GREM2: variants seen among roughly 807,000 people sequenced by gnomAD.
GREM2 encodes the protein gremlin 2, DAN family BMP antagonist.
GREM2 carries 11 observed loss-of-function variants against 14.2 expected under a neutral mutation model. The ratio of observed to expected loss-of-function variants is 0.78; its 90% CI spans 0.49 to 1.28. GREM2 has a LOEUF of 1.28. GREM2 is among the 50% of genes most tolerant of loss of function. The pLI is 0.00. For missense variants in GREM2, 210 were observed against 218.5 expected (o/e 0.96, Z 0.24); for synonymous variants, 98 against 97.6 (o/e 1.00, Z -0.02).
intron 1 of GREM2, among the ~76,000 whole-genome samples, chr1:240,602,676 C>T (rs956969444): frequency 1.4e-4 from 21 of 150,598 alleles, no homozygotes; most frequent in African/African-American, 4.9e-4. Context: ...ATTAGCCGGG[C>T]ATGGTGACAG....
Position 240,494,160 on chromosome 1 carries a change from A to AGTACATCTCATTTACAT in GREM2, c.-1-701_-1-685dup, listed in dbSNP as rs1677347200. 2.6e-5 allele frequency among the ~76,000 whole-genome samples: 4 copies of AGTACATCTCATTTACAT among 152,272 alleles called. No individual in the cohort carries two copies. The South Asian group carries it at 8.3e-4, about 32-fold the overall frequency. On this transcript the variant is annotated intron_variant, in intron 1 of 1. Coordinates refer to ENST00000318160, the MANE Select transcript of GREM2 (RefSeq NM_022469.4). ...ACTTTGTGCCAAGTGCTGTCCTAAGAGTACATCTCATTTACATGTATATCT... is the reference window on the plus strand; with the variant it reads ...ACTTTGTGCCAAGTGCTGTCCTAAGAGTACATCTCATTTACATGTACATCTCATTTACATGTATATCT...
intron 1 of GREM2, among the ~76,000 whole-genome samples, chr1:240,507,210 G>C (rs1677693254): frequency 6.6e-6 from 1 of 152,146 alleles, no homozygotes; most frequent in African/African-American, 2.4e-5. Flanking sequence ...GAAGAAAAGT[G>C]GGCTGAGAGT....
At chr1:240,588,779 G>A (rs377723313) in intron 1 of GREM2, 3 of 152,184 alleles carry the variant, frequency 2.0e-5, no homozygotes, top group Admixed American at 1.3e-4. Context: ...TTAAAATACA[G>A]TCTTTGAAGC....
chr1:240,547,940 A>G (rs927441696), intron 1 of GREM2, among the ~76,000 whole-genome samples: 3 of 151,990 alleles, frequency 2.0e-5, no homozygotes, highest in African/African-American at 7.2e-5. Context: ...AAGAAAGAGA[A>G]AGGAAGGTAG....
chr1:240,548,338 C>T (rs1358024766), intron 1 of GREM2, among the ~76,000 whole-genome samples: 1 of 151,930 alleles, frequency 6.6e-6, no homozygotes, highest in Non-Finnish European at 1.5e-5. Context: ...ATCTTGGCTG[C>T]TCAATCTTAC....
intron 1 of GREM2, among the ~76,000 whole-genome samples, chr1:240,513,467 C>G (rs534690591): frequency 1.1e-4 from 17 of 151,142 alleles, no homozygotes; most frequent in Non-Finnish European, 7.4e-5. Context: ...CCCAGCTACT[C>G]GGGAGGCTGA....
At chr1:240,599,414 G>A (rs114497009) in intron 1 of GREM2, among the ~76,000 whole-genome samples, 2,217 of 152,252 alleles carry the variant, frequency 0.015, 23 homozygotes, top group Non-Finnish European at 0.024. Flanking sequence ...GAAGTGTTGT[G>A]CCAATATGAT....
chr1:240,552,472 A>G (rs10802888), intron 1 of GREM2, among the ~76,000 whole-genome samples: 45,541 of 152,028 alleles, frequency 0.3, 7,010 homozygotes, highest in East Asian at 0.5. Context: ...GGTATATGCT[A>G]CAGTCCTAGC....
At chr1:240,517,055 G>A (rs1391690425) in intron 1 of GREM2, among the ~76,000 whole-genome samples, 2 of 152,250 alleles carry the variant, frequency 1.3e-5, no homozygotes, top group South Asian at 2.1e-4. Flanking sequence ...TGCTCATAAT[G>A]TTATAGTGAG....
chr1:240,520,505 C>A (rs1359282517), intron 1 of GREM2, among the ~76,000 whole-genome samples: 1 of 151,974 alleles, frequency 6.6e-6, no homozygotes, highest in African/African-American at 2.4e-5. Flanking sequence ...TCTTTTTTTC[C>A]TTTTTCCTCA....
rs1677247527 is a variant in GREM2, at chr1:240,491,548, C to T, written c.*1421G>A. 6.6e-6 allele frequency: 1 copy of T among 152,572 alleles called. No individual in the cohort carries two copies. The highest frequency in any genetic ancestry group is 1.5e-5 in the Non-Finnish European group (1 of 68,026). The allele number at this position is 152,572 out of a possible 1,614,324, so 9.5% of individuals were successfully genotyped here. A position where few individuals can be genotyped will look rare whatever the true frequency, so the allele number is the denominator to read the frequency against. On this transcript the variant is annotated 3_prime_UTR_variant, in exon 2 of 2. Coordinates refer to ENST00000318160, the MANE Select transcript of GREM2 (RefSeq NM_022469.4). ...GGAAACGTCAACAATTCATTATAAACACAAAAGGTGACCTAATGTTTGTTC... is the reference window on the plus strand; with the variant it reads ...GGAAACGTCAACAATTCATTATAAATACAAAAGGTGACCTAATGTTTGTTC...
In GREM2 at chr1:240,489,990, G is replaced by A. The variant is rs544849816; in HGVS notation, c.*2979C>T. On this transcript the variant is annotated 3_prime_UTR_variant, in exon 2 of 2. Coordinates refer to ENST00000318160, the MANE Select transcript of GREM2 (RefSeq NM_022469.4). ...GTGGATTTTATTTTTTATTGATTAC[G>A]GAGTTTTCTTAAATGGCAGATTAAG... 3.3e-5 allele frequency: 5 copies of A among 152,244 alleles called. No individual in the cohort carries two copies. The highest frequency in any genetic ancestry group is 3.9e-4 in the East Asian group (2 of 5,186). The allele number at this position is 152,244 out of a possible 1,614,324, so 9.4% of individuals were successfully genotyped here.
chr1:240,547,264 G>T (rs1678747297), intron 1 of GREM2, among the ~76,000 whole-genome samples: 3 of 151,988 alleles, frequency 2.0e-5, no homozygotes, highest in Admixed American at 6.6e-5. Context: ...GCTTTGGGAG[G>T]CCGAGGTGGG....
At chr1:240,588,002 C>A (rs182779941) in intron 1 of GREM2, among the ~76,000 whole-genome samples, 5 of 152,238 alleles carry the variant, frequency 3.3e-5, no homozygotes, top group Non-Finnish European at 5.9e-5. Flanking sequence ...TGTGAAACGG[C>A]ACATGGAACC....
At chr1:240,517,037 AT>A in intron 1 of GREM2, among the ~76,000 whole-genome samples, 1 of 152,206 alleles carries the variant, frequency 6.6e-6, no homozygotes, top group Non-Finnish European at 1.5e-5. Flanking sequence ...GGGGAAAACA[AT>A]ACAACCTGCT....
At chr1:240,505,750 A>G (rs930506846) in intron 1 of GREM2, among the ~76,000 whole-genome samples, 7 of 55,768 alleles carry the variant, frequency 1.3e-4, no homozygotes, top group African/African-American at 4.0e-4. Flanking sequence ...GAATGATAGG[A>G]AAAAAAAAAG....
intron 1 of GREM2, among the ~76,000 whole-genome samples, chr1:240,546,782 C>G (rs1300950940): frequency 2.0e-5 from 3 of 152,072 alleles, no homozygotes; most frequent in Non-Finnish European, 4.4e-5. Context: ...GTTGTCAAAA[C>G]AGCCAAGTGT....
chr1:240,598,118 T>C (rs928180410), intron 1 of GREM2, among the ~76,000 whole-genome samples: 2 of 152,180 alleles, frequency 1.3e-5, no homozygotes, highest in Admixed American at 6.5e-5. Flanking sequence ...TGGAGACAAT[T>C]TGAATTTTAC....
Position 240,543,874 on chromosome 1 carries a change from A to G in GREM2, c.-1-50398T>C, listed in dbSNP as rs1033234852. On this transcript the variant is annotated intron_variant, in intron 1 of 1. Coordinates refer to ENST00000318160, the MANE Select transcript of GREM2 (RefSeq NM_022469.4). This position sits in a 1 kb window ranked among gnomAD's most constrained non-coding sequence, Gnocchi z 6.4. ...GAGACTATTATAATTTTAAAAGTAT[A>G]TTATTTGTTTTTCAATGGGAACAAG... Among the ~76,000 whole-genome samples the G allele has an allele frequency of 1.2e-4, 18 of 152,174 alleles. No individual in the cohort carries two copies. The highest frequency in any genetic ancestry group is 4.3e-4 in the African/African-American group (18 of 41,440).
Sources: allele counts gnomAD v4.1 joint callset (sites outside exome capture counted in the v4.1 genomes callset), GRCh38; gene constraint gnomAD v4.1.1; non-coding constraint Gnocchi (gnomAD v3.1); transcripts MANE v1.5; gene names NCBI Gene and HGNC (gene_info 2026-07-23, HGNC 2026-07-21).